TMC1: variants seen among roughly 807,000 people sequenced by gnomAD.
TMC1 encodes transmembrane channel-like protein 1.
In TMC1, 84 loss-of-function variants were observed where a neutral mutation model predicts 105.8. The observed-to-expected ratio is 0.79, with a 90% CI of 0.67 to 0.95. The LOEUF (loss-of-function observed/expected upper bound fraction) is 0.95. Among genes scored for constraint, TMC1 ranks in the 40% least tolerant of loss-of-function variants. TMC1 has a pLI of 0.00. For synonymous variants in TMC1, 315 were observed against 311.5 expected (o/e 1.01, Z -0.12); for missense variants, 817 against 914.1 (o/e 0.89, Z 1.37).
intron 12 of TMC1, among the ~76,000 whole-genome samples, chr9:72,756,929 G>C (rs1827684147): frequency 6.6e-6 from 1 of 152,116 alleles, no homozygotes; most frequent in South Asian, 2.1e-4. Flanking sequence ...AAAGTAGAGG[G>C]AAAGGGTTTG....
At chr9:72,620,066 C>A (rs1033362926) in intron 3 of TMC1, among the ~76,000 whole-genome samples, 2 of 151,958 alleles carry the variant, frequency 1.3e-5, no homozygotes, top group Non-Finnish European at 2.9e-5. Context: ...ATCTCTTGAC[C>A]TTGGAATCCA....
intron 18 of TMC1, among the ~76,000 whole-genome samples, chr9:72,807,718 A>T (rs1298530602): frequency 6.6e-6 from 1 of 152,240 alleles, no homozygotes; most frequent in East Asian, 1.9e-4. Flanking sequence ...TAAATATGGT[A>T]CTTGCTTCAC....
rs1322655942 is a variant in TMC1 at position 72,789,272 on chromosome 9, T to C, written c.1179T>C (p.Phe393=). 6.2e-7 allele frequency: 1 copy of C among 1,613,998 alleles called. No individual in the cohort carries two copies. The highest frequency in any genetic ancestry group is 8.5e-7 in the Non-Finnish European group (1 of 1,179,964). Residue 393 remains phenylalanine, a synonymous_variant, in exon 15 of 24, where the codon TTT becomes TTC. Coordinates refer to ENST00000297784, the MANE Select transcript of TMC1 (RefSeq NM_138691.3). ...GGGCTGTGAAGCGATCCCAGGAATT[T>C]GCACAGCAAGATCCTGACACCCTTG... ...IFWAVKRSQE[F]AQQDPDTLGW...
At chr9:72,574,743 T>C (rs766547212) in intron 1 of TMC1, among the ~76,000 whole-genome samples, 1 of 152,206 alleles carries the variant, frequency 6.6e-6, no homozygotes, top group African/African-American at 2.4e-5. Context: ...GTAAGATGCA[T>C]GCAAGGTGAA....
At chr9:72,639,497 A>T (rs1005074335) in intron 4 of TMC1, among the ~76,000 whole-genome samples, 1 of 152,294 alleles carries the variant, frequency 6.6e-6, no homozygotes, top group Middle Eastern at 3.4e-3. Context: ...AAATCCTTTG[A>T]AAAAGGAAAA....
At chr9:72,642,508 T>A (rs1825645951) in intron 4 of TMC1, among the ~76,000 whole-genome samples, 1 of 152,234 alleles carries the variant, frequency 6.6e-6, no homozygotes, top group South Asian at 2.1e-4. Context: ...ATTGACTGCA[T>A]GCCTGCAGAG....
intron 18 of TMC1, among the ~76,000 whole-genome samples, chr9:72,809,679 G>C (rs201592848): frequency 6.6e-6 from 1 of 152,100 alleles, no homozygotes; most frequent in Non-Finnish European, 1.5e-5. Flanking sequence ...GTTTGTTTTT[G>C]TTTCATTTTT....
chr9:72,694,401 A>G, intron 6 of TMC1, 142 bp from the exon 7 acceptor site: 4 of 692,082 alleles, frequency 5.8e-6, no homozygotes, highest in Non-Finnish European at 1.0e-5. Context: ...TATGTATTCC[A>G]TGATGCATCC....
intron 12 of TMC1, among the ~76,000 whole-genome samples, chr9:72,762,653 G>C (rs1827774531): frequency 6.6e-6 from 1 of 152,172 alleles, no homozygotes; most frequent in Non-Finnish European, 1.5e-5. Flanking sequence ...AATCCACCTA[G>C]AGATACGTCT....
intron 17 of TMC1, 175 bp from the exon 18 acceptor site, chr9:72,805,207 T>C (rs1401322206): frequency 7.7e-6 from 4 of 521,336 alleles, no homozygotes; most frequent in Non-Finnish European, 1.3e-5. Flanking sequence ...TTTTAAGTAA[T>C]AAAGTCAGGG....
chr9:72,612,474 C>T (rs527954481), intron 2 of TMC1, among the ~76,000 whole-genome samples: 65 of 139,812 alleles, frequency 4.6e-4, no homozygotes, highest in Non-Finnish European at 8.8e-4. Context: ...ACTCCCGGCC[C>T]AAACATTTTT....
At chr9:72,531,866 T>G (rs144290383) in intron 1 of TMC1, among the ~76,000 whole-genome samples, 2 of 152,312 alleles carry the variant, frequency 1.3e-5, no homozygotes, top group East Asian at 3.9e-4. Context: ...CATTTTTTCC[T>G]GTATCTGGCT....
intron 12 of TMC1, among the ~76,000 whole-genome samples, chr9:72,763,085 CTTT>C (rs148498655): frequency 0.18 from 19,150 of 108,808 alleles, 923 homozygotes; most frequent in African/African-American, 0.2. Flanking sequence ...CTAGCGATGC[CTTT>C]TTTTTTTTTT....
In TMC1 at chr9:72,538,594, G is replaced by A. The variant is rs1178785492; in HGVS notation, c.-428+16681G>A. On this transcript the variant is annotated intron_variant, in intron 1 of 23. Transcript: ENST00000297784. ...TGGGATTACAGGTGTCCACCACCATGCCTGGCTAATTTTTTTGTATTTTTA... is the reference window on the plus strand; with the variant it reads ...TGGGATTACAGGTGTCCACCACCATACCTGGCTAATTTTTTTGTATTTTTA... 2.6e-5 allele frequency among the ~76,000 whole-genome samples: 4 copies of A among 152,036 alleles called. No individual in the cohort carries two copies. The South Asian group carries it at 6.3e-4, about 24-fold the overall frequency.
intron 1 of TMC1, among the ~76,000 whole-genome samples, chr9:72,574,175 A>G (rs1217591356): frequency 2.0e-5 from 3 of 152,230 alleles, no homozygotes; most frequent in Admixed American, 6.5e-5. Context: ...GCCATGCTCC[A>G]TGCTCCATAT....
At chr9:72,685,100 C>CTTTTTTTTTTTTTTTTTT (rs71359515) in intron 5 of TMC1, among the ~76,000 whole-genome samples, 6 of 91,044 alleles carry the variant, frequency 6.6e-5, no homozygotes, top group African/African-American at 2.8e-4. Flanking sequence ...TAAAGTCATT[C>CTTTTTTTTTTTTTTTTTT]TTTTTTTTTT....
intron 2 of TMC1, among the ~76,000 whole-genome samples, chr9:72,584,675 G>T (rs1824525123): frequency 6.6e-6 from 1 of 151,942 alleles, no homozygotes; most frequent in African/African-American, 2.4e-5. Context: ...TTTATTTAGA[G>T]GTGAGGCGAG....
chr9:72,589,584 C>T (rs990567714), intron 2 of TMC1, among the ~76,000 whole-genome samples: 6 of 152,078 alleles, frequency 3.9e-5, no homozygotes, highest in Admixed American at 1.3e-4. Flanking sequence ...CAAAGCATGT[C>T]GGACTTGACC....
chr9:72,636,465 G>A (rs1825535505), intron 4 of TMC1, among the ~76,000 whole-genome samples: 1 of 152,098 alleles, frequency 6.6e-6, no homozygotes, highest in African/African-American at 2.4e-5. Flanking sequence ...GGGAGGCTGA[G>A]GCGGGAGGAT....
Sources: gnomAD v4.1 joint callset for allele counts (sites outside exome capture counted in the v4.1 genomes callset) on GRCh38, gnomAD v4.1.1 for gene constraint, MANE v1.5 for transcripts, NCBI Gene and HGNC (gene_info 2026-07-23, HGNC 2026-07-21) for gene names.